The following KIF7 variants were observed in gnomAD, a reference collection of about 807,000 sequenced individuals.
KIF7 encodes the protein kinesin-like protein KIF7.
KIF7 carries 104 observed loss-of-function variants against 135.7 expected under a neutral mutation model. The ratio of observed to expected loss-of-function variants is 0.77; its 90% CI spans 0.65 to 0.90. KIF7 has a LOEUF of 0.90. Ranked by LOEUF, KIF7 falls within the 40% of genes least tolerant of loss-of-function variation. KIF7 has a pLI of 0.00. For missense variants in KIF7, 2,005 were observed against 1,839.1 expected (o/e 1.09, Z -1.65); for synonymous variants, 883 against 809.4 (o/e 1.09, Z -1.54).
intron 1 of KIF7, among the ~76,000 whole-genome samples, chr15:89,621,757 G>A (rs141852352): frequency 3.8e-4 from 58 of 152,136 alleles, no homozygotes; most frequent in African/African-American, 1.4e-3. Context: ...CGGTGGGGGC[G>A]GTGGAGGAGG....
At chr15:89,627,323 G>A, downstream of KIF7, 1 of 488,494 alleles carries the variant, frequency 2.0e-6, no homozygotes. Context: ...CTATAACTCA[G>A]GCAGCCTGGG....
chr15:89,632,676 G>C (rs1963705493), intron 14 of KIF7, 144 bp downstream of exon 14: 1 of 848,212 alleles, frequency 1.2e-6, no homozygotes, highest in South Asian at 1.4e-5. Context: ...CACCTGGCAG[G>C]TTTATCACTT....
intron 6 of KIF7, 23 bp downstream of exon 6, chr15:89,647,573 G>T: frequency 6.3e-7 from 1 of 1,592,180 alleles, no homozygotes. Flanking sequence ...AGCCTTCCCC[G>T]CACTGTGAAG....
chr15:89,618,988 TGAA>T (rs1480668682), intron 1 of KIF7, among the ~76,000 whole-genome samples: 1 of 152,140 alleles, frequency 6.6e-6, no homozygotes, highest in African/African-American at 2.4e-5. Context: ...GTATACATGA[TGAA>T]GGAGGGGTTT....
chr15:89,627,107 A>AAAAG (rs1365794113), downstream of KIF7: 1 of 1,613,450 alleles, frequency 6.2e-7, no homozygotes, highest in Non-Finnish European at 8.5e-7. Context: ...TACTGAGCCC[A>AAAAG]AAAGATCAAG....
At chr15:89,630,077 CAG>C in intron 16 of KIF7, 1 of 607,000 alleles carries the variant, frequency 1.6e-6, no homozygotes, top group Non-Finnish European at 2.9e-6. Flanking sequence ...GTTAGCCAAT[CAG>C]AGCAGAAGTG....
chr15:89,661,913 T>G, the KIF7 span, among the ~76,000 whole-genome samples: 1 of 152,100 alleles, frequency 6.6e-6, no homozygotes. Flanking sequence ...TTTTGTATTT[T>G]TAATAGAGAT....
At chr15:89,634,439 C>A (rs1030954450) in intron 11 of KIF7, among the ~76,000 whole-genome samples, 2 of 152,174 alleles carry the variant, frequency 1.3e-5, no homozygotes, top group African/African-American at 4.8e-5. Flanking sequence ...CTAGGGAGTG[C>A]CAGACAGTGG....
downstream of KIF7, chr15:89,625,411 G>A (rs200226016): frequency 3.0e-5 from 48 of 1,613,872 alleles, no homozygotes; most frequent in Middle Eastern, 1.6e-4. Flanking sequence ...CTCCTCTTCC[G>A]GGAGGGGCGA....
intron 1 of KIF7, among the ~76,000 whole-genome samples, chr15:89,622,034 T>C (rs1963435440): frequency 7.3e-6 from 1 of 137,382 alleles, no homozygotes; most frequent in Admixed American, 8.0e-5. Context: ...TTGCACAGGC[T>C]GGAGTGCAGT....
intron 11 of KIF7, among the ~76,000 whole-genome samples, chr15:89,637,385 C>T (rs1485124204): frequency 6.6e-6 from 1 of 151,222 alleles, no homozygotes; most frequent in Non-Finnish European, 1.5e-5. Flanking sequence ...ATTAATGAAT[C>T]CAGGAGCTGG....
intron 10 of KIF7, 142 bp downstream of exon 10, chr15:89,644,871 A>G: frequency 9.5e-7 from 1 of 1,057,028 alleles, no homozygotes; most frequent in Non-Finnish European, 1.4e-6. Context: ...CACAGCTGGA[A>G]GAGGCTGGGC....
Position 89,651,563 on chromosome 15 carries a change from G to T in KIF7, c.328+1040C>A, listed in dbSNP as rs994330020. On this transcript the variant is annotated intron_variant, in intron 2 of 18. Transcript: ENST00000394412. ...ATACATTATTAAGAAAATCAAACAGGACACAAAAGAATGTATATAATATAA... is the reference window on the plus strand; with the variant it reads ...ATACATTATTAAGAAAATCAAACAGTACACAAAAGAATGTATATAATATAA... Among the ~76,000 whole-genome samples, 10 of 152,146 alleles carry T rather than the reference G, an allele frequency of 6.6e-5. No individual in the cohort carries two copies. In the South Asian group the frequency reaches 1.0e-3, roughly 16 times the overall value.
chr15:89,646,966 A>G lies in KIF7; in HGVS notation c.1652T>C (p.Leu551Pro). The G allele has an allele frequency of 6.2e-7, 1 of 1,613,382 alleles. No homozygotes were observed. Among genetic ancestry groups the G allele is most frequent in the Non-Finnish European group, 8.5e-7 (1 of 1,179,782 alleles). The change falls in exon 7 of 19, where the codon CTG becomes CCG. Residue 551 changes from leucine (L) to proline (P), a missense_variant. Physicochemically the swap from Leu to Pro is moderately conservative, Grantham distance 98. Coordinates refer to ENST00000394412, the MANE Select transcript of KIF7 (RefSeq NM_198525.3). ...AAAGGACCCGGGAGGCAGGCCATTC[A>G]GGAGCCGCGGGCCCCCCCAGCCTGG... ...VRPGWGGPRL[L>P]NGLPPGSFVP... is the part of the protein sequence containing the mutation.
At chr15:89,639,436 A>C (rs1475094540) in intron 11 of KIF7, among the ~76,000 whole-genome samples, 1 of 131,100 alleles carries the variant, frequency 7.6e-6, no homozygotes, top group Non-Finnish European at 1.6e-5. Flanking sequence ...AACTCAAACA[A>C]ATTTACAAGA....
At chr15:89,625,555 C>T, downstream of KIF7, 7 of 1,613,224 alleles carry the variant, frequency 4.3e-6, no homozygotes, top group Non-Finnish European at 5.9e-6. Context: ...GCTCCCAGAC[C>T]AGTCGCCTCC....
At chr15:89,645,299 T>C (rs1365436454) in intron 9 of KIF7, 37 bp downstream of exon 9, 11 of 1,601,136 alleles carry the variant, frequency 6.9e-6, no homozygotes, top group Non-Finnish European at 9.4e-6. Flanking sequence ...GGAGGGGCAG[T>C]GGGGAGGAGG....
At chr15:89,629,993 C>T in intron 16 of KIF7, 1 of 538,458 alleles carries the variant, frequency 1.9e-6, no homozygotes, top group Non-Finnish European at 3.3e-6. Context: ...TATCTCCAGC[C>T]ATGGCCAAAT....
rs200720042 is a variant in KIF7 at position 89,652,700 on chromosome 15, G to C, written c.231C>G (p.Pro77=). 1.5e-5 allele frequency: 23 copies of C among 1,551,686 alleles called. No homozygotes were observed. Among genetic ancestry groups the C allele is most frequent in the Admixed American group, 2.0e-5 (1 of 50,990 alleles). Reference sequence around the variant, plus strand: ...AGCCCTCGAAGAAGGCCTCAAGGAGGGGCTGAACGCAGGCCTGGTACACGG... The same window carrying C: ...AGCCCTCGAAGAAGGCCTCAAGGAGCGGCTGAACGCAGGCCTGGTACACGG... ...QEAVYQACVQ[P]LLEAFFEGFN... is the part of the protein sequence containing the mutation. Residue 77 remains proline (P), a synonymous_variant, in exon 2 of 19, where the codon CCC becomes CCG. Transcript: ENST00000394412.
Sources: allele counts gnomAD v4.1 joint callset (sites outside exome capture counted in the v4.1 genomes callset), GRCh38; gene constraint gnomAD v4.1.1; transcripts MANE v1.5; gene names NCBI Gene and HGNC (gene_info 2026-07-23, HGNC 2026-07-21).